FBXW11: variants seen among roughly 807,000 people sequenced by gnomAD.
FBXW11 encodes F-box and WD repeat domain containing 11.
Under a neutral mutation model 77.6 loss-of-function variants are expected in FBXW11, and 19 were observed. That is an observed-to-expected ratio of 0.24 (90% CI 0.17 to 0.36). FBXW11 has a LOEUF of 0.36. Ranked by LOEUF, FBXW11 falls within the 10% of genes least tolerant of loss-of-function variation. The pLI is 1.00. For synonymous variants in FBXW11, 235 were observed against 249.4 expected (o/e 0.94, Z 0.54); for missense variants, 334 against 704.2 (o/e 0.47, Z 5.95).
chr5:171,967,921 T>C (rs750341453), intron 1 of FBXW11, among the ~76,000 whole-genome samples: 62 of 146,316 alleles, frequency 4.2e-4, no homozygotes, highest in Middle Eastern at 6.9e-3. Flanking sequence ...CACACACACA[T>C]ATAAATCTGG....
intron 2 of FBXW11, among the ~76,000 whole-genome samples, chr5:171,953,717 C>A (rs913704657): frequency 6.6e-6 from 1 of 151,996 alleles, no homozygotes; most frequent in Non-Finnish European, 1.5e-5. Context: ...AACAGGGGTT[C>A]GGGAAAATAA....
intron 7 of FBXW11, among the ~76,000 whole-genome samples, chr5:171,883,446 G>A (rs1758658806): frequency 2.0e-5 from 3 of 152,176 alleles, no homozygotes; most frequent in South Asian, 2.1e-4. Flanking sequence ...GTTAATGGGT[G>A]CAGCACACCA....
intron 2 of FBXW11, among the ~76,000 whole-genome samples, chr5:171,947,813 A>T (rs547487977): frequency 6.6e-6 from 1 of 152,126 alleles, no homozygotes; most frequent in Non-Finnish European, 1.5e-5. Flanking sequence ...GCTACTTGGG[A>T]GGCTGAGGTG....
chr5:172,002,696 C>CTTTTTTTTTTTTTTTTTTTTTTT (rs34300477), intron 1 of FBXW11, among the ~76,000 whole-genome samples: 10 of 97,056 alleles, frequency 1.0e-4, no homozygotes, highest in African/African-American at 2.8e-4. Flanking sequence ...TTTTTCTTTT[C>CTTTTTTTTTTTTTTTTTTTTTTT]TTTTTTTTTT....
At chr5:171,867,354 C>A (rs1057145814) in intron 13 of FBXW11, among the ~76,000 whole-genome samples, 9 of 151,718 alleles carry the variant, frequency 5.9e-5, no homozygotes, top group African/African-American at 2.2e-4. Flanking sequence ...ATGAACACTG[C>A]AATTTAAATT....
chr5:171,917,687 G>C (rs1422069005), intron 2 of FBXW11, among the ~76,000 whole-genome samples: 2 of 151,782 alleles, frequency 1.3e-5, no homozygotes, highest in Non-Finnish European at 2.9e-5. Context: ...AAGATGTCTG[G>C]AGAAAAAAGC....
chr5:171,901,510 TA>T (rs1760112334), intron 4 of FBXW11, among the ~76,000 whole-genome samples: 1 of 152,222 alleles, frequency 6.6e-6, no homozygotes, highest in East Asian at 1.9e-4. Context: ...CTTCATATAC[TA>T]AAATTCTCTT....
chr5:171,896,125 A>C (rs1759728121), intron 6 of FBXW11, among the ~76,000 whole-genome samples: 1 of 152,230 alleles, frequency 6.6e-6, no homozygotes, highest in South Asian at 2.1e-4. Flanking sequence ...GTAGAAGCGC[A>C]GATTCAGAGA....
chr5:171,863,874 T>C lies in FBXW11; in HGVS notation c.*253A>G, dbSNP rs1002747335. ...CATTTGAAACATTAGATTTTTTCAC[T>C]GATGAGGGAAGGAAACGGGCTTCTG... On this transcript the variant is annotated 3_prime_UTR_variant, in exon 14 of 14. Coordinates refer to ENST00000517395, the MANE Select transcript of FBXW11 (RefSeq NM_001378974.1). 2 of 152,440 alleles carry C rather than the reference T, an allele frequency of 1.3e-5. No homozygotes were observed. Among genetic ancestry groups the C allele is most frequent in the Non-Finnish European group, 2.9e-5 (2 of 68,048 alleles). 9.4% of individuals were successfully genotyped at this position (152,440 alleles called of 1,614,324 possible). A position where few individuals can be genotyped will look rare whatever the true frequency, so the allele number is the denominator to read the frequency against.
intron 1 of FBXW11, among the ~76,000 whole-genome samples, chr5:171,983,639 A>G (rs1332913772): frequency 6.6e-6 from 1 of 151,658 alleles, no homozygotes. Context: ...AGAGAAACCC[A>G]CTCCCACACA....
At chr5:171,948,357 C>T (rs879283697) in intron 2 of FBXW11, among the ~76,000 whole-genome samples, 4 of 148,378 alleles carry the variant, frequency 2.7e-5, no homozygotes, top group Non-Finnish European at 3.0e-5. Context: ...AAACAAAGAA[C>T]AGATATTAAA....
chr5:171,884,464 T>A (rs1758743490), intron 7 of FBXW11, among the ~76,000 whole-genome samples: 1 of 152,232 alleles, frequency 6.6e-6, no homozygotes, highest in South Asian at 2.1e-4. Flanking sequence ...TAGTTTGAAA[T>A]CAGGTAGTGT....
At chr5:171,934,705 T>G (rs1258074991) in intron 2 of FBXW11, among the ~76,000 whole-genome samples, 1 of 149,812 alleles carries the variant, frequency 6.7e-6, no homozygotes, top group African/African-American at 2.5e-5. Flanking sequence ...TAGAAAATTA[T>G]TAGGAAACAT....
chr5:171,919,653 T>C (rs1459814840), intron 2 of FBXW11, among the ~76,000 whole-genome samples: 1 of 152,234 alleles, frequency 6.6e-6, no homozygotes, highest in Non-Finnish European at 1.5e-5. Context: ...CCTTGTATGA[T>C]AGCACCTATA....
At chr5:171,971,917 G>C (rs868518320) in intron 1 of FBXW11, among the ~76,000 whole-genome samples, 1 of 152,020 alleles carries the variant, frequency 6.6e-6, no homozygotes, top group East Asian at 1.9e-4. Flanking sequence ...CTGGGAAGTC[G>C]AGGCTGCAGT....
intron 2 of FBXW11, among the ~76,000 whole-genome samples, chr5:171,938,732 C>A (rs1005748848): frequency 6.6e-6 from 1 of 151,404 alleles, no homozygotes; most frequent in African/African-American, 2.4e-5. Flanking sequence ...TTTGTAATTT[C>A]AAAAAAAATG....
chr5:171,893,991 G>A (rs1005206713), intron 6 of FBXW11, among the ~76,000 whole-genome samples: 5 of 145,222 alleles, frequency 3.4e-5, no homozygotes, highest in Admixed American at 7.1e-5. Context: ...GGGGATGGGG[G>A]GGAATCTCTA....
At chr5:171,877,622 A>G (rs7712635) in intron 8 of FBXW11, among the ~76,000 whole-genome samples, 6,381 of 152,090 alleles carry the variant, frequency 0.042, 418 homozygotes, top group African/African-American at 0.15. Flanking sequence ...CACTGAGTCC[A>G]GGAGAGGATA....
At chr5:171,891,641 A>C in intron 6 of FBXW11, 37 bp from the exon 7 acceptor site, 3 of 1,599,106 alleles carry the variant, frequency 1.9e-6, no homozygotes, top group Non-Finnish European at 2.6e-6. Flanking sequence ...AGTTTTTATG[A>C]ATCAACTTAC....
Sources: allele counts gnomAD v4.1 joint callset (sites outside exome capture counted in the v4.1 genomes callset), GRCh38; gene constraint gnomAD v4.1.1; transcripts MANE v1.5; gene names NCBI Gene and HGNC (gene_info 2026-07-23, HGNC 2026-07-21).